ERLIN1: variants seen among roughly 807,000 people sequenced by gnomAD.
The protein encoded by ERLIN1 is ER lipid raft associated 1, also known as erlin-1.
ERLIN1 carries 24 observed loss-of-function variants against 46.9 expected under a neutral mutation model. The observed-to-expected ratio is 0.51, with a 90% confidence interval of 0.37 to 0.72. ERLIN1 has a LOEUF of 0.72. Ranked by LOEUF, ERLIN1 falls within the 30% of genes least tolerant of loss-of-function variation. The pLI is 0.00. For missense variants in ERLIN1, 293 were observed against 417.9 expected, an observed-to-expected ratio of 0.70 and a Z score of 2.61; for synonymous variants, 158 against 143.2, an observed-to-expected ratio of 1.10 and a Z score of -0.74.
At chr10:100,165,648 A>G (rs1265877101) in intron 7 of ERLIN1, among the ~76,000 whole-genome samples, 3 of 152,146 alleles carry the variant, frequency 2.0e-5, no homozygotes, top group South Asian at 2.1e-4. Context: ...GGCCTCCCAA[A>G]AGTGCTGGGA....
rs763392279 is a variant in ERLIN1 at position 100,154,912 on chromosome 10, G to A, written c.773C>T (p.Ala258Val). The A allele has an allele frequency of 2.7e-5, 43 of 1,613,694 alleles. No individual in the cohort carries two copies. The highest frequency in any genetic ancestry group is 3.3e-5 in the Non-Finnish European group (39 of 1,179,784). The change falls in exon 10 of 11, where the codon GCG (alanine) becomes GTG (valine). Residue 258 changes from alanine to valine, a missense_variant. Around this residue, in one of 3 missense-constraint regions of ERLIN1, gnomAD observed 148 missense variants for 266.5 expected, o/e 0.56. Transcript: ENST00000421367. ...AGCATAATATTCAGCATCTGCTTTC[G>A]CTTTCTCTCGGGCCAGGAATGCAGC... Reference protein sequence around the residue: ...EDAAFLAREKAKADAEYYAAH... With the variant: ...EDAAFLAREKVKADAEYYAAH...
intron 6 of ERLIN1, among the ~76,000 whole-genome samples, chr10:100,169,240 C>T (rs901415674): frequency 3.3e-5 from 5 of 152,128 alleles, no homozygotes; most frequent in African/African-American, 1.2e-4. Context: ...AACCTCTGCT[C>T]TTAACCTCAA....
chr10:100,157,242 T>G (rs1843128751), intron 8 of ERLIN1, among the ~76,000 whole-genome samples: 1 of 152,134 alleles, frequency 6.6e-6, no homozygotes, highest in Non-Finnish European at 1.5e-5. Flanking sequence ...GAAAATGGTA[T>G]CAGAAGAGGA....
chr10:100,151,651 GA>G lies in ERLIN1; in HGVS notation c.*479del. 4.8e-6 allele frequency: 1 copy of G among 206,830 alleles called. No homozygotes were observed. Among genetic ancestry groups the G allele is most frequent in the Non-Finnish European group, 1.0e-5 (1 of 100,016 alleles). The allele number at this position is 206,830 out of a possible 1,614,324, so 12.8% of individuals were successfully genotyped here. A position where few individuals can be genotyped will look rare whatever the true frequency, so the allele number is the denominator to read the frequency against. Reference sequence around the variant, plus strand: ...CAGCGGCCTGGATCTTAATCACATGGATGAAGGCTGGGACTGGATCCCAAAG... The same window carrying G: ...CAGCGGCCTGGATCTTAATCACATGGTGAAGGCTGGGACTGGATCCCAAAG... On this transcript the variant is annotated 3_prime_UTR_variant, in exon 11 of 11. Transcript: ENST00000421367.
In ERLIN1 at chr10:100,156,162, C is replaced by T. The variant is rs781383034; in HGVS notation, c.728G>A (p.Arg243His). 81 of 1,611,764 alleles carry T rather than the reference C, an allele frequency of 5.0e-5. No individual in the cohort carries two copies. The highest frequency in any genetic ancestry group is 1.6e-4 in the Middle Eastern group (1 of 6,080). The stretch of plus-strand genomic sequence containing the variant: ...CAATGTACCTTCGATTTCAGAAATG[C>T]GCTTTTCAGTTTCTTTTTCCATCAC... ...QKVMEKETEK[R>H]ISEIEDAAFL... The change falls in exon 9 of 11, where the codon CGC becomes CAC. Residue 243 changes from arginine (R) to histidine (H), a missense_variant. Physicochemically the swap from Arg to His is conservative, Grantham distance 29. Around this residue, in one of 3 missense-constraint regions of ERLIN1, gnomAD observed 148 missense variants for 266.5 expected, o/e 0.56. Coordinates refer to ENST00000421367, the MANE Select transcript of ERLIN1 (RefSeq NM_006459.4).
intron 8 of ERLIN1, among the ~76,000 whole-genome samples, chr10:100,163,558 C>T (rs1424543640): frequency 6.6e-6 from 1 of 152,164 alleles, no homozygotes; most frequent in African/African-American, 2.4e-5. Context: ...AGGGAAGCCA[C>T]TGTAATCTGA....
chr10:100,152,371 G>A lies in ERLIN1; in HGVS notation c.826-19C>T. 1 of 1,418,116 alleles carries A rather than the reference G, an allele frequency of 7.1e-7. No individual in the cohort carries two copies. The highest frequency in any genetic ancestry group is 1.0e-6 in the Non-Finnish European group (1 of 999,418). The allele number at this position is 1,418,116 out of a possible 1,614,324, so 87.8% of individuals were successfully genotyped here. A position where few individuals can be genotyped will look rare whatever the true frequency, so the allele number is the denominator to read the frequency against. The stretch of plus-strand genomic sequence containing the variant: ...ACTTGTGCTGTGTGGGAGCAAACAA[G>A]AGCAAAGGCATCAGAATACTCTGGT... On this transcript the variant is annotated intron_variant, in intron 10 of 10. Coordinates refer to ENST00000421367, the MANE Select transcript of ERLIN1 (RefSeq NM_006459.4).
chr10:100,151,943 G>A lies in ERLIN1; in HGVS notation c.*188C>T. The A allele has an allele frequency of 1.5e-6, 1 of 653,156 alleles. No homozygotes were observed. Among genetic ancestry groups the A allele is most frequent in the Non-Finnish European group, 2.8e-6 (1 of 358,726 alleles). 40.5% of individuals were successfully genotyped at this position (653,156 alleles called of 1,614,324 possible). A position where few individuals can be genotyped will look rare whatever the true frequency, so the allele number is the denominator to read the frequency against. ...TAGGATACTTGATAAGACTGTGGCT[G>A]AAAAGACCATTTGTGTGTCAGACAG... On this transcript the variant is annotated 3_prime_UTR_variant, in exon 11 of 11. Coordinates refer to ENST00000421367, the MANE Select transcript of ERLIN1 (RefSeq NM_006459.4).
chr10:100,166,729 G>A (rs948118072), intron 7 of ERLIN1, among the ~76,000 whole-genome samples: 16 of 152,122 alleles, frequency 1.1e-4, no homozygotes, highest in African/African-American at 2.7e-4. Context: ...CCAGTCATAC[G>A]AAAACAATAT....
At chr10:100,165,786 C>T (rs929427195) in intron 7 of ERLIN1, among the ~76,000 whole-genome samples, 1 of 152,050 alleles carries the variant, frequency 6.6e-6, no homozygotes, top group Non-Finnish European at 1.5e-5. Context: ...AGTGCAATGG[C>T]GTGGTCTCGG....
chr10:100,156,538 C>T (rs530507504), intron 8 of ERLIN1, among the ~76,000 whole-genome samples: 1 of 152,258 alleles, frequency 6.6e-6, no homozygotes, highest in South Asian at 2.1e-4. Context: ...AAAAAAGATA[C>T]TTTATGAAAG....
Position 100,182,322 on chromosome 10 carries a change from G to A in ERLIN1, c.195+1434C>T, listed in dbSNP as rs575294136. Among the ~76,000 whole-genome samples, 226 of 151,838 alleles carry A rather than the reference G, an allele frequency of 1.5e-3. 2 individuals carry two copies. The highest frequency in any genetic ancestry group is 5.1e-3 in the African/African-American group (212 of 41,406). The stretch of plus-strand genomic sequence containing the variant: ...TCGGATTACAGGCATGAGCCACTGC[G>A]CCGGGCCTTAGAGTCTTGATTTTTA... On this transcript the variant is annotated intron_variant, in intron 2 of 10. Transcript: ENST00000421367.
At chr10:100,158,882 A>T (rs1194729938) in intron 8 of ERLIN1, among the ~76,000 whole-genome samples, 1 of 152,196 alleles carries the variant, frequency 6.6e-6, no homozygotes, top group African/African-American at 2.4e-5. Context: ...AAAAGGGAAA[A>T]AGAAGCAGAG....
intron 6 of ERLIN1, among the ~76,000 whole-genome samples, chr10:100,168,680 C>CTTT (rs200700163): frequency 6.1e-4 from 85 of 138,348 alleles, no homozygotes; most frequent in African/African-American, 2.2e-3. Context: ...TAAAGTAGGA[C>CTTT]TTTTTTTTTT....
intron 5 of ERLIN1, among the ~76,000 whole-genome samples, 196 bp downstream of exon 5, chr10:100,175,749 T>C (rs1416634530): frequency 6.6e-6 from 1 of 152,198 alleles, no homozygotes. Context: ...ACAGTCTGAG[T>C]AGTTTTTCCA....
Position 100,185,793 on chromosome 10 carries a change from G to A in ERLIN1, c.-167C>T. On this transcript the variant is annotated 5_prime_UTR_variant, in exon 1 of 11. Transcript: ENST00000421367. ...TCATTCTTCCCTTCTGGCTGAGCCC[G>A]CTGACCCCTTGCCAACTCCTCCGCC... 4 of 609,922 alleles carry A rather than the reference G, an allele frequency of 6.6e-6. No homozygotes were observed. Among genetic ancestry groups the A allele is most frequent in the Non-Finnish European group, 1.2e-5 (4 of 341,442 alleles). 37.8% of individuals were successfully genotyped at this position (609,922 alleles called of 1,614,324 possible).
intron 1 of ERLIN1, 54 bp from the exon 2 acceptor site, chr10:100,183,891 C>T: frequency 1.5e-6 from 2 of 1,303,244 alleles, no homozygotes; most frequent in Non-Finnish European, 2.2e-6. Flanking sequence ...ATTATCTTTC[C>T]AAATCTAAAA....
chr10:100,171,185 T>C (rs1843972138), intron 6 of ERLIN1, among the ~76,000 whole-genome samples: 1 of 152,062 alleles, frequency 6.6e-6, no homozygotes, highest in Non-Finnish European at 1.5e-5. Context: ...CAACACACCA[T>C]AAAGACAAAA....
intron 9 of ERLIN1, among the ~76,000 whole-genome samples, chr10:100,155,457 G>GT (rs147832945): frequency 0.051 from 7,317 of 144,542 alleles, 578 homozygotes; most frequent in African/African-American, 0.17. Context: ...AATTAATTTT[G>GT]TTTTTTTTTT....
Sources: allele counts gnomAD v4.1 joint callset (sites outside exome capture counted in the v4.1 genomes callset), GRCh38; gene constraint gnomAD v4.1.1; regional missense constraint gnomAD v4.1.1; transcripts MANE v1.5; gene names NCBI Gene and HGNC (gene_info 2026-07-23, HGNC 2026-07-21).